The following SLC7A9 variants were observed in gnomAD, a reference collection of about 807,000 sequenced individuals.
SLC7A9 encodes solute carrier family 7 member 9.
A neutral mutation model predicts 54.1 loss-of-function variants in SLC7A9; 38 were observed. The observed-to-expected ratio is 0.70, with a 90% confidence interval of 0.54 to 0.92. SLC7A9 has a LOEUF of 0.92. Ranked by LOEUF, SLC7A9 falls within the 40% of genes least tolerant of loss-of-function variation. The pLI, the probability that SLC7A9 is intolerant of heterozygous loss-of-function variation, is 0.00. For synonymous variants in SLC7A9, 264 were observed against 258.9 expected (o/e 1.02, Z -0.19); for missense variants, 537 against 636.1 (o/e 0.84, Z 1.68).
At chr19:32,832,376 C>G (rs955691280) in intron 12 of SLC7A9, among the ~76,000 whole-genome samples, 8 of 151,934 alleles carry the variant, frequency 5.3e-5, no homozygotes, top group African/African-American at 1.9e-4. Context: ...CACCTAAGGT[C>G]AGGAGTTGGA....
At chr19:32,857,501 C>G (rs1968663118) in intron 9 of SLC7A9, among the ~76,000 whole-genome samples, 1 of 152,086 alleles carries the variant, frequency 6.6e-6, no homozygotes, top group Non-Finnish European at 1.5e-5. Flanking sequence ...TACAAAGGAT[C>G]TAGCCAAAAC....
intron 9 of SLC7A9, among the ~76,000 whole-genome samples, chr19:32,853,199 C>T (rs1454453089): frequency 6.6e-6 from 1 of 152,174 alleles, no homozygotes; most frequent in Admixed American, 6.5e-5. Flanking sequence ...GCGTGAGCCA[C>T]CACGCCTGGC....
chr19:32,862,561 C>CAGTG lies in SLC7A9; in HGVS notation c.500_503dup (p.Ser169ThrfsTer41), dbSNP rs1968834212. 2 of 1,613,888 alleles carry CAGTG rather than the reference C, an allele frequency of 1.2e-6. No individual in the cohort carries two copies. Among genetic ancestry groups the CAGTG allele is most frequent in the Non-Finnish European group, 1.7e-6 (2 of 1,180,042 alleles). On this transcript the variant is annotated frameshift_variant, in exon 5 of 13. Coordinates refer to ENST00000023064, the MANE Select transcript of SLC7A9 (RefSeq NM_014270.5). LOFTEE classifies it high-confidence loss of function. Reference sequence around the variant, plus strand: ...GGACGTAGCTTCCCAGCCGCACGCTCAGTGAGTTCACTGTCGAGATGAACA... The same window carrying CAGTG: ...GGACGTAGCTTCCCAGCCGCACGCTCAGTGAGTGAGTTCACTGTCGAGATGAACA...
At chr19:32,860,203 G>A (rs2145839358) in intron 7 of SLC7A9, 1 of 1,466,696 alleles carries the variant, frequency 6.8e-7, no homozygotes, top group African/African-American at 1.4e-5. Flanking sequence ...CCCTCCCTTA[G>A]GAGCCACTGC....
intron 9 of SLC7A9, among the ~76,000 whole-genome samples, chr19:32,855,305 A>AAGCT (rs1416528324): frequency 1.1e-4 from 17 of 152,098 alleles, no homozygotes; most frequent in Non-Finnish European, 2.1e-4. Flanking sequence ...TAAGACAGAT[A>AAGCT]AGCTACAAGC....
intron 2 of SLC7A9, among the ~76,000 whole-genome samples, chr19:32,867,069 C>CA (rs1378066950): frequency 6.6e-6 from 1 of 152,254 alleles, no homozygotes; most frequent in African/African-American, 2.4e-5. Context: ...CCCAGCTGCT[C>CA]ACTGCAGCCC....
At chr19:32,866,938 G>C (rs7257884) in intron 2 of SLC7A9, among the ~76,000 whole-genome samples, 55,544 of 151,992 alleles carry the variant, frequency 0.37, 11,680 homozygotes, top group African/African-American at 0.57. Context: ...CCCTCCCTGC[G>C]CCTCCATGCT....
chr19:32,843,616 G>A (rs1362096929), intron 10 of SLC7A9, among the ~76,000 whole-genome samples: 1 of 152,136 alleles, frequency 6.6e-6, no homozygotes, highest in Non-Finnish European at 1.5e-5. Context: ...TGTTACCAGG[G>A]ACCCAGCACA....
chr19:32,868,153 C>T (rs1010360386), intron 2 of SLC7A9, among the ~76,000 whole-genome samples: 4 of 149,204 alleles, frequency 2.7e-5, no homozygotes, highest in African/African-American at 9.9e-5. Context: ...ATCCCTTGAA[C>T]CGGGGAGGTG....
intron 7 of SLC7A9, 115 bp from the exon 8 acceptor site, chr19:32,860,079 A>G: frequency 6.3e-7 from 1 of 1,587,144 alleles, no homozygotes. Context: ...GAGGCCCAGC[A>G]GGAACATAAG....
intron 10 of SLC7A9, among the ~76,000 whole-genome samples, chr19:32,842,695 C>T (rs1363540800): frequency 6.6e-6 from 1 of 151,896 alleles, no homozygotes; most frequent in Non-Finnish European, 1.5e-5. Flanking sequence ...TGACTGCAAC[C>T]TCCGCCTCCC....
intron 10 of SLC7A9, 120 bp from the exon 11 acceptor site, chr19:32,842,437 G>A (rs1326514660): frequency 5.3e-6 from 5 of 950,072 alleles, no homozygotes; most frequent in Middle Eastern, 3.1e-4. Context: ...CGAACTTCTA[G>A]GCATTCCTTC....
rs1381131253 is a variant in SLC7A9 at position 32,860,371 on chromosome 19, A to G, written c.749+235T>C. ...TGGGAGTTCAAGACCAGCCTGGCCA[A>G]CATGGCAAAATCTCATCTCTACTAA... is the stretch of plus-strand genomic sequence containing the variant. On this transcript the variant is annotated intron_variant, in intron 7 of 12. Transcript: ENST00000023064. 8 of 1,352,054 alleles carry G rather than the reference A, an allele frequency of 5.9e-6. No individual in the cohort carries two copies. In the East Asian group the frequency reaches 1.6e-4, roughly 26 times the overall value. 83.8% of individuals were successfully genotyped at this position (1,352,054 alleles called of 1,614,324 possible).
intron 4 of SLC7A9, 49 bp from the exon 5 acceptor site, chr19:32,862,635 T>C: frequency 1.0e-5 from 16 of 1,591,596 alleles, no homozygotes; most frequent in Non-Finnish European, 1.3e-5. Flanking sequence ...AGCAAAGCCC[T>C]GGAGAGAGTC....
intron 1 of SLC7A9, 48 bp from the exon 2 acceptor site, chr19:32,868,693 A>AG: frequency 2.9e-6 from 2 of 699,308 alleles, no homozygotes; most frequent in Admixed American, 4.0e-5. Context: ...GGCCGCTGCC[A>AG]GTCCCTCAGG....
At chr19:32,848,168 C>T (rs1286397862) in intron 9 of SLC7A9, among the ~76,000 whole-genome samples, 4 of 152,146 alleles carry the variant, frequency 2.6e-5, no homozygotes, top group Non-Finnish European at 5.9e-5. Flanking sequence ...AATGACAGGA[C>T]CAAATTCACA....
intron 7 of SLC7A9, chr19:32,860,251 T>G: frequency 7.1e-7 from 1 of 1,406,914 alleles, no homozygotes; most frequent in Non-Finnish European, 9.2e-7. Context: ...GCGTGCATAG[T>G]GAGCTCATAA....
intron 11 of SLC7A9, among the ~76,000 whole-genome samples, chr19:32,840,579 T>C (rs187717497): frequency 6.6e-6 from 1 of 152,234 alleles, no homozygotes; most frequent in East Asian, 1.9e-4. Context: ...CCCTTCCCAG[T>C]TGAGAGATTT....
intron 3 of SLC7A9, 57 bp downstream of exon 3, chr19:32,864,572 T>A: frequency 6.2e-7 from 1 of 1,603,638 alleles, no homozygotes; most frequent in Non-Finnish European, 8.5e-7. Context: ...AGGTAGCAGC[T>A]GCCTGGCGTG....
Sources: gnomAD v4.1 joint callset for allele counts (sites outside exome capture counted in the v4.1 genomes callset) on GRCh38, gnomAD v4.1.1 for gene constraint, MANE v1.5 for transcripts, NCBI Gene and HGNC (gene_info 2026-07-23, HGNC 2026-07-21) for gene names.